Variants in CDKAL1 observed in about 807,000 individuals in gnomAD.
The protein encoded by CDKAL1 is threonylcarbamoyladenosine tRNA methylthiotransferase.
CDKAL1 carries 32 observed loss-of-function variants against 68.2 expected under a neutral mutation model. That is an observed-to-expected ratio of 0.47 (90% confidence interval 0.35 to 0.63). The LOEUF is 0.63. CDKAL1 is among the 30% of genes least tolerant of loss of function. The pLI is 0.00. For missense variants in CDKAL1, 606 were observed against 696.7 expected (o/e 0.87, Z 1.47); for synonymous variants, 234 against 244.3 (o/e 0.96, Z 0.39).
At chr6:20,678,995 C>T (rs1322285925) in intron 5 of CDKAL1, among the ~76,000 whole-genome samples, 1 of 152,118 alleles carries the variant, frequency 6.6e-6, no homozygotes, top group Non-Finnish European at 1.5e-5. Flanking sequence ...ACCTGAAACT[C>T]CTGGGCTCAA....
intron 8 of CDKAL1, among the ~76,000 whole-genome samples, chr6:20,810,776 A>G (rs746814212): frequency 6.6e-6 from 1 of 151,998 alleles, no homozygotes; most frequent in Non-Finnish European, 1.5e-5. Flanking sequence ...AGGTTTCCTT[A>G]ATATCATTAA....
chr6:20,664,702 A>G (rs921629499), intron 5 of CDKAL1, among the ~76,000 whole-genome samples: 9 of 152,198 alleles, frequency 5.9e-5, no homozygotes, highest in African/African-American at 2.2e-4. Flanking sequence ...TAATTTTTAA[A>G]AATAGGGAAT....
chr6:20,790,116 A>C lies in CDKAL1; in HGVS notation c.638+8851A>C, dbSNP rs543171628. ...TAGCCGGGACATCAATTTGTTAAACAAATGTAGTTGAACATAAAAAGATGA... is the reference window on the plus strand; with the variant it reads ...TAGCCGGGACATCAATTTGTTAAACCAATGTAGTTGAACATAAAAAGATGA... On this transcript the variant is annotated intron_variant, in intron 8 of 15. Transcript: ENST00000274695. Among the ~76,000 whole-genome samples, 44 of 152,302 alleles carry C rather than the reference A, an allele frequency of 2.9e-4. No homozygotes were observed. In the South Asian group the frequency reaches 8.7e-3, roughly 30 times the overall value.
At chr6:20,800,177 A>G (rs1776307881) in intron 8 of CDKAL1, among the ~76,000 whole-genome samples, 1 of 152,184 alleles carries the variant, frequency 6.6e-6, no homozygotes, top group Non-Finnish European at 1.5e-5. Flanking sequence ...TTTAAAGCAG[A>G]TTCTCATAGC....
chr6:20,908,684 A>C (rs1315572666), intron 9 of CDKAL1, among the ~76,000 whole-genome samples: 1 of 152,250 alleles, frequency 6.6e-6, no homozygotes, highest in East Asian at 1.9e-4. Context: ...AGTTGACAAT[A>C]AGTTGACTTA....
intron 11 of CDKAL1, among the ~76,000 whole-genome samples, chr6:21,033,078 G>A (rs1275761935): frequency 1.3e-5 from 2 of 152,158 alleles, no homozygotes; most frequent in Non-Finnish European, 2.9e-5. Flanking sequence ...TTGCCAGTTG[G>A]TAAACTGGTT....
rs574534737 is a variant in CDKAL1 at position 20,833,837 on chromosome 6, C to G, written c.639-12238C>G. ...GAAGGACCATTCATTTCCAGTAGCT[C>G]TCTCTCAGTTAATGCAAGGTTGGGT... On this transcript the variant is annotated intron_variant, in intron 8 of 15. Transcript: ENST00000274695. Among the ~76,000 whole-genome samples, 3 of 152,196 alleles carry G rather than the reference C, an allele frequency of 2.0e-5. No homozygotes were observed. In the South Asian group the frequency reaches 6.2e-4, roughly 32 times the overall value.
intron 11 of CDKAL1, among the ~76,000 whole-genome samples, chr6:21,045,777 G>A (rs201326): frequency 0.18 from 27,970 of 152,116 alleles, 2,692 homozygotes; most frequent in Middle Eastern, 0.24. Context: ...GCAATCTAAT[G>A]ATGGAGGGGT....
In CDKAL1 at chr6:20,989,833, C is replaced by T. The variant is rs185351445; in HGVS notation, c.910-10394C>T. On this transcript the variant is annotated intron_variant, in intron 10 of 15. Transcript: ENST00000274695. Reference sequence around the variant, plus strand: ...CAAAATTGAGTTTTTCATATGTGTTCCATTCTATGAATTTTAAAATATATA... The same window carrying T: ...CAAAATTGAGTTTTTCATATGTGTTTCATTCTATGAATTTTAAAATATATA... Among the ~76,000 whole-genome samples, 343 of 152,132 alleles carry T rather than the reference C, an allele frequency of 2.3e-3. 1 individual carries two copies. Among genetic ancestry groups the T allele is most frequent in the Admixed American group, 4.0e-3 (61 of 15,278 alleles).
chr6:20,964,885 T>G (rs1047375599), intron 10 of CDKAL1, among the ~76,000 whole-genome samples: 5 of 152,164 alleles, frequency 3.3e-5, no homozygotes, highest in African/African-American at 1.2e-4. Context: ...TGAATATTGT[T>G]TATAAAATGC....
chr6:20,730,615 C>T lies in CDKAL1; in HGVS notation c.372-8904C>T, dbSNP rs59809310. ...ATCCCAGCACTTTGGGAGGCCGAGG[C>T]GGGCAGATCACTTGATGTCAGGGGT... On this transcript the variant is annotated intron_variant, in intron 5 of 15. Transcript: ENST00000274695. Among the ~76,000 whole-genome samples, 559 of 151,960 alleles carry T rather than the reference C, an allele frequency of 3.7e-3. 4 individuals carry two copies. Among genetic ancestry groups the T allele is most frequent in the African/African-American group, 0.012 (486 of 41,468 alleles).
intron 4 of CDKAL1, among the ~76,000 whole-genome samples, chr6:20,556,226 A>G (rs1299488940): frequency 6.6e-6 from 1 of 151,972 alleles, no homozygotes; most frequent in African/African-American, 2.4e-5. Flanking sequence ...TTAGCCTGGT[A>G]TGATAGTGCA....
chr6:20,755,341 G>T (rs1040761943), intron 6 of CDKAL1, among the ~76,000 whole-genome samples: 6 of 152,090 alleles, frequency 3.9e-5, no homozygotes, highest in Non-Finnish European at 5.9e-5. Context: ...TATTCCCATT[G>T]CCAGATACTG....
chr6:21,162,456 C>T (rs1318759896), intron 13 of CDKAL1, among the ~76,000 whole-genome samples: 1 of 152,172 alleles, frequency 6.6e-6, no homozygotes, highest in Non-Finnish European at 1.5e-5. Flanking sequence ...CTCTGAGGCC[C>T]ATTCCATGGT....
intron 3 of CDKAL1, 114 bp from the exon 4 acceptor site, chr6:20,548,479 G>T: frequency 1.5e-6 from 1 of 664,476 alleles, no homozygotes; most frequent in South Asian, 1.7e-5. Context: ...GTTGCAGTGA[G>T]CTGTGGTCAC....
chr6:21,073,136 G>T (rs1771885093), intron 12 of CDKAL1, among the ~76,000 whole-genome samples: 1 of 152,042 alleles, frequency 6.6e-6, no homozygotes, highest in South Asian at 2.1e-4. Context: ...AGATTCCTTT[G>T]AATCTTTTCA....
chr6:20,570,832 A>G (rs1484956502), intron 4 of CDKAL1, among the ~76,000 whole-genome samples: 4 of 152,208 alleles, frequency 2.6e-5, no homozygotes, highest in Non-Finnish European at 4.4e-5. Context: ...ATTGATCATT[A>G]CAAAAAAAAG....
chr6:20,575,606 A>G (rs750237979), intron 4 of CDKAL1, among the ~76,000 whole-genome samples: 21 of 152,082 alleles, frequency 1.4e-4, no homozygotes, highest in Non-Finnish European at 2.6e-4. Flanking sequence ...AGTTATTTCT[A>G]TGGTTTATCT....
Position 20,613,867 on chromosome 6 carries a change from T to G in CDKAL1, c.287-35426T>G, listed in dbSNP as rs1480178546. ...TTAAAAGTTGTGTACATTTCTAATT[T>G]TGATAGATATTACCTAATTGCCTTG... On this transcript the variant is annotated intron_variant, in intron 4 of 15. Coordinates refer to ENST00000274695, the MANE Select transcript of CDKAL1 (RefSeq NM_017774.3). Among the ~76,000 whole-genome samples, 4 of 152,102 alleles carry G rather than the reference T, an allele frequency of 2.6e-5. No individual in the cohort carries two copies. The East Asian group carries it at 7.7e-4, about 29-fold the overall frequency.
Sources: allele counts gnomAD v4.1 joint callset (sites outside exome capture counted in the v4.1 genomes callset), GRCh38; gene constraint gnomAD v4.1.1; transcripts MANE v1.5; gene names NCBI Gene and HGNC (gene_info 2026-07-23, HGNC 2026-07-21).